The following TXLNB variants were observed in gnomAD, a reference collection of about 807,000 sequenced individuals.
TXLNB encodes beta-taxilin.
In TXLNB, 37 loss-of-function variants were observed where a neutral mutation model predicts 57.4. The ratio of observed to expected loss-of-function variants is 0.64; its 90% CI spans 0.50 to 0.85. The LOEUF (loss-of-function observed/expected upper bound fraction) is 0.85. TXLNB is among the 40% of genes least tolerant of loss of function. The pLI is 0.00. For missense variants in TXLNB, 848 were observed against 825.6 expected (o/e 1.03, Z -0.33); for synonymous variants, 302 against 309.6 (o/e 0.98, Z 0.26).
the TXLNB span, among the ~76,000 whole-genome samples, chr6:139,211,110 T>A: frequency 6.6e-6 from 1 of 152,220 alleles, no homozygotes; most frequent in Non-Finnish European, 1.5e-5. Context: ...AATGTCCCTG[T>A]CTGACAGCTT....
chr6:139,259,103 C>T (rs1345832563), intron 6 of TXLNB, among the ~76,000 whole-genome samples: 1 of 152,140 alleles, frequency 6.6e-6, no homozygotes, highest in Non-Finnish European at 1.5e-5. Flanking sequence ...TCCATCTCCA[C>T]CCCTCTTCTC....
At chr6:139,176,470 G>C in the TXLNB span, among the ~76,000 whole-genome samples, 1 of 152,168 alleles carries the variant, frequency 6.6e-6, no homozygotes, top group South Asian at 2.1e-4. The surrounding 1 kb of genome is among the most constrained non-coding windows in gnomAD (Gnocchi z 4.5). Context: ...AGGGTGCTGG[G>C]AACTCCAGAA....
At chr6:139,195,083 A>G in the TXLNB span, among the ~76,000 whole-genome samples, 1 of 152,110 alleles carries the variant, frequency 6.6e-6, no homozygotes, top group Admixed American at 6.6e-5. Context: ...AAGGGCCTTC[A>G]GGGAGAATTT....
At chr6:139,276,726 G>T in intron 3 of TXLNB, 104 bp downstream of exon 3, 1 of 842,838 alleles carries the variant, frequency 1.2e-6, no homozygotes, top group Non-Finnish European at 1.9e-6. Context: ...AGATGTTGCT[G>T]TTTACAATTC....
chr6:139,305,669 T>A, the TXLNB span, among the ~76,000 whole-genome samples: 93 of 152,284 alleles, frequency 6.1e-4, no homozygotes, highest in African/African-American at 2.0e-3. Context: ...TAGATTTCTA[T>A]AGGAAGATAG....
the TXLNB span, among the ~76,000 whole-genome samples, chr6:139,231,255 GT>G: frequency 6.6e-6 from 1 of 152,102 alleles, no homozygotes; most frequent in African/African-American, 2.4e-5. Context: ...TTTCCTTCTT[GT>G]TTTTTAGTTG....
At chr6:139,209,869 T>C in the TXLNB span, among the ~76,000 whole-genome samples, 166 of 152,214 alleles carry the variant, frequency 1.1e-3, no homozygotes, top group Non-Finnish European at 2.1e-3. Context: ...AAATGGGACC[T>C]AATTAAACCA....
At chr6:139,167,100 C>T in the TXLNB span, 1 of 1,614,222 alleles carries the variant, frequency 6.2e-7, no homozygotes, top group South Asian at 1.1e-5. Flanking sequence ...AAGCTGAACA[C>T]TTTCCACGTG....
chr6:139,237,508 A>T (rs1195930386), downstream of TXLNB: 9 of 122,122 alleles, frequency 7.4e-5, no homozygotes, highest in East Asian at 2.6e-4. Flanking sequence ...GACTCCATCT[A>T]AAAAAAAAAA....
intron 4 of TXLNB, among the ~76,000 whole-genome samples, chr6:139,265,332 A>T (rs1045627026): frequency 3.9e-5 from 6 of 152,098 alleles, no homozygotes; most frequent in African/African-American, 1.4e-4. Context: ...GCTCAGATTT[A>T]TCACTTTGAA....
chr6:139,242,289 G>C lies in TXLNB; in HGVS notation c.*237C>G, dbSNP rs374819021. ...AAATTTGCTATCTGTATGTTTTGTT[G>C]CCCTTTGGGAAAATTATACTGTCAA... is the stretch of plus-strand genomic sequence containing the variant. On this transcript the variant is annotated 3_prime_UTR_variant, in exon 10 of 10. Coordinates refer to ENST00000358430, the MANE Select transcript of TXLNB (RefSeq NM_153235.4). The C allele has an allele frequency of 2.2e-5, 8 of 370,430 alleles. No homozygotes were observed. Among genetic ancestry groups the C allele is most frequent in the African/African-American group, 1.5e-4 (7 of 48,150 alleles). The allele number at this position is 370,430 out of a possible 1,614,324, so 22.9% of individuals were successfully genotyped here.
At chr6:139,167,241 AG>A in the TXLNB span, 1 of 1,614,050 alleles carries the variant, frequency 6.2e-7, no homozygotes, top group Non-Finnish European at 8.5e-7. Flanking sequence ...GTGTTCGAAC[AG>A]TTCCCACTGG....
chr6:139,259,256 T>C (rs1222448567), intron 6 of TXLNB, among the ~76,000 whole-genome samples: 4 of 152,208 alleles, frequency 2.6e-5, no homozygotes, highest in African/African-American at 9.6e-5. Flanking sequence ...GAGCAGATCA[T>C]GCCATCACTT....
the TXLNB span, among the ~76,000 whole-genome samples, chr6:139,187,613 G>A: frequency 6.6e-6 from 1 of 152,128 alleles, no homozygotes; most frequent in Non-Finnish European, 1.5e-5. Flanking sequence ...AAGCAAGTCT[G>A]GGAATAAACC....
At chr6:139,180,891 G>A in the TXLNB span, 2 of 152,584 alleles carry the variant, frequency 1.3e-5, no homozygotes, top group Non-Finnish European at 2.9e-5. Context: ...TGAAGAGAAA[G>A]CTTTCTGAGG....
At chr6:139,246,076 T>G (rs901821604) in intron 8 of TXLNB, among the ~76,000 whole-genome samples, 1 of 120,882 alleles carries the variant, frequency 8.3e-6, no homozygotes, top group Non-Finnish European at 1.6e-5. Flanking sequence ...AATGTGCATA[T>G]GTGCATCATT....
At chr6:139,160,562 T>C in the TXLNB span, among the ~76,000 whole-genome samples, 5 of 152,158 alleles carry the variant, frequency 3.3e-5, no homozygotes, top group African/African-American at 1.2e-4. Flanking sequence ...TATAGGCACA[T>C]GCCACTGAGC....
intron 6 of TXLNB, among the ~76,000 whole-genome samples, chr6:139,259,989 G>A (rs924264256): frequency 2.0e-5 from 3 of 152,114 alleles, no homozygotes; most frequent in Non-Finnish European, 4.4e-5. Context: ...TTGGGAGGCC[G>A]AGGAAGGCGG....
chr6:139,301,777 A>G, the TXLNB span, among the ~76,000 whole-genome samples: 1 of 152,094 alleles, frequency 6.6e-6, no homozygotes, highest in Admixed American at 6.5e-5. Context: ...TAATGAACTA[A>G]TCCCCACCCC....
Sources: gnomAD v4.1 joint callset for allele counts (sites outside exome capture counted in the v4.1 genomes callset) on GRCh38, gnomAD v4.1.1 for gene constraint, Gnocchi (gnomAD v3.1) non-coding constraint, MANE v1.5 for transcripts, NCBI Gene and HGNC (gene_info 2026-07-23, HGNC 2026-07-21) for gene names.